The following THSD4 variants were observed in gnomAD, a reference collection of about 807,000 sequenced individuals.
THSD4 encodes the protein thrombospondin type-1 domain-containing protein 4.
Under a neutral mutation model 119.0 loss-of-function variants are expected in THSD4, and 69 were observed. The ratio of observed to expected loss-of-function variants is 0.58; its 90% CI spans 0.48 to 0.71. The LOEUF (loss-of-function observed/expected upper bound fraction) is 0.71. Ranked by LOEUF, THSD4 falls within the 30% of genes least tolerant of loss-of-function variation. The pLI is 0.00. For missense variants in THSD4, 1,393 were observed against 1,391.1 expected (o/e 1.00, Z -0.02); for synonymous variants, 524 against 540.4 (o/e 0.97, Z 0.42).
At chr15:71,403,511 G>T (rs1425544304) in intron 6 of THSD4, among the ~76,000 whole-genome samples, 1 of 152,074 alleles carries the variant, frequency 6.6e-6, no homozygotes, top group Non-Finnish European at 1.5e-5. Flanking sequence ...CTTCATGAGG[G>T]TTTATTTTTA....
chr15:71,510,606 T>C (rs1187372147), intron 7 of THSD4, among the ~76,000 whole-genome samples: 2 of 152,110 alleles, frequency 1.3e-5, no homozygotes, highest in African/African-American at 2.4e-5. Flanking sequence ...AGCAGGGAGA[T>C]GTGGCAATGC....
chr15:71,699,243 C>T (rs1252136904), intron 8 of THSD4, among the ~76,000 whole-genome samples: 1 of 49,190 alleles, frequency 2.0e-5, no homozygotes, highest in African/African-American at 1.5e-4. Flanking sequence ...GACGGAGTCT[C>T]GCTCTGTCGC....
rs542889778 is a variant in THSD4 at position 71,375,870 on chromosome 15, G to A, written c.1016-35817G>A. 1.2e-3 allele frequency among the ~76,000 whole-genome samples: 186 copies of A among 152,160 alleles called. 2 individuals are homozygous for A. Among genetic ancestry groups the A allele is most frequent in the African/African-American group, 4.3e-3 (180 of 41,512 alleles). ...TCTGGAGGAGGACCCTGGCAATCTG[G>A]GTTTTAATAAACCCTCCAGGTGATT... On this transcript the variant is annotated intron_variant, in intron 6 of 17. Coordinates refer to ENST00000261862, the MANE Select transcript of THSD4 (RefSeq NM_024817.3).
At chr15:71,381,352 A>T (rs538549165) in intron 6 of THSD4, among the ~76,000 whole-genome samples, 2 of 152,212 alleles carry the variant, frequency 1.3e-5, no homozygotes, top group South Asian at 2.1e-4. Flanking sequence ...TTCAAATTGC[A>T]TATCTTAACA....
chr15:71,728,831 A>C, intron 9 of THSD4, 107 bp downstream of exon 9: 2 of 1,460,830 alleles, frequency 1.4e-6, no homozygotes, highest in South Asian at 2.3e-5. Flanking sequence ...ACTCAATAAA[A>C]ACCCTTTGAG....
At chr15:71,581,459 A>T (rs983123207) in intron 7 of THSD4, among the ~76,000 whole-genome samples, 1 of 152,086 alleles carries the variant, frequency 6.6e-6, no homozygotes, top group African/African-American at 2.4e-5. Flanking sequence ...ATGTTTTGCA[A>T]ATATTAGCTT....
At chr15:71,237,208 T>C (rs751863683) in intron 4 of THSD4, among the ~76,000 whole-genome samples, 1 of 152,084 alleles carries the variant, frequency 6.6e-6, no homozygotes, top group Non-Finnish European at 1.5e-5. Context: ...GGGATGGTGG[T>C]ACTTGGGAGT....
intron 2 of THSD4, among the ~76,000 whole-genome samples, chr15:71,147,467 A>G (rs187697815): frequency 1.4e-3 from 208 of 152,216 alleles, no homozygotes; most frequent in Middle Eastern, 6.8e-3. Context: ...AGTGACTGAT[A>G]TTTCCTCCCT....
chr15:71,485,568 C>A (rs995503715), intron 7 of THSD4, among the ~76,000 whole-genome samples: 1 of 152,100 alleles, frequency 6.6e-6, no homozygotes, highest in Non-Finnish European at 1.5e-5. Context: ...TGTTACCAGC[C>A]TTGCTGGGCA....
chr15:71,526,290 G>T (rs12913663), intron 7 of THSD4, among the ~76,000 whole-genome samples: 9 of 152,122 alleles, frequency 5.9e-5, no homozygotes, highest in African/African-American at 2.2e-4. Flanking sequence ...ACTTGCAGCC[G>T]GCTTCCAGAC....
At chr15:71,496,400 T>A (rs2048018573) in intron 7 of THSD4, among the ~76,000 whole-genome samples, 1 of 152,196 alleles carries the variant, frequency 6.6e-6, no homozygotes, top group South Asian at 2.1e-4. Context: ...TCTTTTTTCT[T>A]TCACTTGAAA....
intron 7 of THSD4, among the ~76,000 whole-genome samples, chr15:71,473,134 G>A (rs940766173): frequency 8.9e-5 from 13 of 145,384 alleles, no homozygotes; most frequent in African/African-American, 2.6e-4. Context: ...CTGGCTCACC[G>A]CAACCTCTGC....
chr15:71,273,888 G>A (rs975130866), intron 6 of THSD4, among the ~76,000 whole-genome samples: 2 of 152,212 alleles, frequency 1.3e-5, no homozygotes, highest in African/African-American at 4.8e-5. Flanking sequence ...CCAACAGGAA[G>A]TGTGGAGAAG....
At chr15:71,254,304 G>A (rs1191732503) in intron 5 of THSD4, among the ~76,000 whole-genome samples, 2 of 152,228 alleles carry the variant, frequency 1.3e-5, no homozygotes, top group Admixed American at 6.5e-5. Context: ...CCTTTGGCAA[G>A]GCTTGCCACA....
chr15:71,511,637 C>G (rs1371477985), intron 7 of THSD4, among the ~76,000 whole-genome samples: 1 of 152,186 alleles, frequency 6.6e-6, no homozygotes, highest in Non-Finnish European at 1.5e-5. Context: ...CTTCCAACCA[C>G]AAATCATTTA....
chr15:71,610,197 A>G (rs897298928), intron 7 of THSD4, among the ~76,000 whole-genome samples: 4 of 152,202 alleles, frequency 2.6e-5, no homozygotes, highest in African/African-American at 4.8e-5. Context: ...GATGTTTCAG[A>G]GGAAATATGT....
chr15:71,395,832 C>A (rs1342862744), intron 6 of THSD4, among the ~76,000 whole-genome samples: 4 of 151,856 alleles, frequency 2.6e-5, no homozygotes, highest in African/African-American at 9.7e-5. Flanking sequence ...CATTCTTTTG[C>A]TGAAGCCATC....
At chr15:71,548,124 T>C (rs1373246225) in intron 7 of THSD4, among the ~76,000 whole-genome samples, 4 of 151,108 alleles carry the variant, frequency 2.6e-5, no homozygotes, top group Non-Finnish European at 4.4e-5. Flanking sequence ...ACATCAGTGA[T>C]ACCTCCTGGA....
chr15:71,507,224 C>T (rs561767194), intron 7 of THSD4, among the ~76,000 whole-genome samples: 1 of 152,104 alleles, frequency 6.6e-6, no homozygotes, highest in Non-Finnish European at 1.5e-5. Flanking sequence ...ACCGCCCTGC[C>T]CCAGCACCTG....
Sources: allele counts gnomAD v4.1 joint callset (sites outside exome capture counted in the v4.1 genomes callset), GRCh38; gene constraint gnomAD v4.1.1; transcripts MANE v1.5; gene names NCBI Gene and HGNC (gene_info 2026-07-23, HGNC 2026-07-21).